DLGAP2: variants seen among roughly 807,000 people sequenced by gnomAD.
DLGAP2 encodes the protein disks large-associated protein 2.
In DLGAP2, 26 loss-of-function variants were observed where a neutral mutation model predicts 100.3. That is an observed-to-expected ratio of 0.26 (90% CI 0.19 to 0.36). The LOEUF (loss-of-function observed/expected upper bound fraction) is 0.36. DLGAP2 is among the 10% of genes least tolerant of loss of function. DLGAP2 has a pLI of 1.00. For synonymous variants in DLGAP2, 886 were observed against 630.1 expected, an observed-to-expected ratio of 1.41 and a Z score of -6.08; for missense variants, 1,858 against 1,453.2, an observed-to-expected ratio of 1.28 and a Z score of -4.53.
chr8:1,424,831 T>A (rs569353807), intron 3 of DLGAP2, among the ~76,000 whole-genome samples: 3 of 151,720 alleles, frequency 2.0e-5, no homozygotes, highest in Non-Finnish European at 4.4e-5. Context: ...CCTGGAGGAG[T>A]TGGATACACA....
intron 1 of DLGAP2, among the ~76,000 whole-genome samples, chr8:752,014 T>C (rs1820803479): frequency 6.6e-6 from 1 of 152,244 alleles, no homozygotes; most frequent in East Asian, 1.9e-4. Flanking sequence ...AAGTGGTCAT[T>C]TGCTTCTGGC....
At chr8:1,340,016 C>G (rs566390041) in intron 3 of DLGAP2, among the ~76,000 whole-genome samples, 1 of 152,296 alleles carries the variant, frequency 6.6e-6, no homozygotes, top group South Asian at 2.1e-4. Context: ...CTTATTCAAT[C>G]CATGGTACTG....
At chr8:905,107 A>G (rs1221590119) in intron 1 of DLGAP2, among the ~76,000 whole-genome samples, 1 of 152,052 alleles carries the variant, frequency 6.6e-6, no homozygotes, top group South Asian at 2.1e-4. Context: ...TGCCTTTAGG[A>G]AAGTCACACG....
At chr8:1,215,289 T>A (rs1467294255) in intron 2 of DLGAP2, among the ~76,000 whole-genome samples, 1 of 152,252 alleles carries the variant, frequency 6.6e-6, no homozygotes, top group East Asian at 1.9e-4. Context: ...AATTGTCTTC[T>A]TGACATGTCA....
chr8:961,841 A>T (rs1465920282), intron 2 of DLGAP2, among the ~76,000 whole-genome samples: 1 of 152,198 alleles, frequency 6.6e-6, no homozygotes, highest in Non-Finnish European at 1.5e-5. Context: ...TGAAACTGTA[A>T]AAGTAACTAA....
At position 1,548,622 on chromosome 8, in the gene DLGAP2, A is replaced by G. The variant is rs2906569; in HGVS notation, c.173-4A>G. 668,799 of 1,499,128 alleles carry G rather than the reference A, an allele frequency of 0.45. 150,824 individuals carry two copies. Among genetic ancestry groups the G allele is most frequent in the Admixed American group, 0.56 (25,402 of 45,504 alleles). The allele number at this position is 1,499,128 out of a possible 1,614,324, so 92.9% of individuals were successfully genotyped here. Reference sequence around the variant, plus strand: ...TGTTCAATGCCGTTTCTGTTTCCCCACAGACCCGCAGTACTCATGGTCGCC... The same window carrying G: ...TGTTCAATGCCGTTTCTGTTTCCCCGCAGACCCGCAGTACTCATGGTCGCC... On this transcript the variant is annotated splice_polypyrimidine_tract_variant and splice_region_variant and intron_variant, in intron 4 of 14. Coordinates refer to ENST00000637795, the MANE Select transcript of DLGAP2 (RefSeq NM_001346810.2).
At chr8:961,035 C>T (rs1799713431) in intron 2 of DLGAP2, among the ~76,000 whole-genome samples, 1 of 149,622 alleles carries the variant, frequency 6.7e-6, no homozygotes, top group South Asian at 2.1e-4. Flanking sequence ...CTGCACAGAC[C>T]CCCATGTTGA....
chr8:757,391 A>G (rs1328920463), intron 1 of DLGAP2, among the ~76,000 whole-genome samples: 1 of 152,192 alleles, frequency 6.6e-6, no homozygotes, highest in South Asian at 2.1e-4. Context: ...GGTTTCCTTC[A>G]TGTGTCGGCC....
At chr8:1,540,722 G>A (rs1022819535) in intron 4 of DLGAP2, among the ~76,000 whole-genome samples, 32 of 152,320 alleles carry the variant, frequency 2.1e-4, no homozygotes, top group African/African-American at 6.5e-4. Context: ...CAGCGTGGGC[G>A]GCCGTGACCA....
At chr8:1,495,039 A>G (rs911077266) in intron 3 of DLGAP2, among the ~76,000 whole-genome samples, 1 of 152,114 alleles carries the variant, frequency 6.6e-6, no homozygotes, top group Admixed American at 6.5e-5. Context: ...TTTCTTCATC[A>G]ATTCTCCATA....
chr8:1,203,138 G>A (rs1175200494), intron 2 of DLGAP2, among the ~76,000 whole-genome samples: 7 of 152,196 alleles, frequency 4.6e-5, no homozygotes, highest in East Asian at 1.9e-4. Context: ...TTGTTTGTTC[G>A]TTTGTTTGTT....
At chr8:1,495,610 C>T (rs1217543412) in intron 3 of DLGAP2, among the ~76,000 whole-genome samples, 2 of 152,192 alleles carry the variant, frequency 1.3e-5, no homozygotes, top group African/African-American at 4.8e-5. Flanking sequence ...TGCCTCTGCA[C>T]CTACTGGGAA....
At chr8:1,606,930 C>G (rs191816465) in intron 6 of DLGAP2, among the ~76,000 whole-genome samples, 3 of 152,318 alleles carry the variant, frequency 2.0e-5, no homozygotes, top group Non-Finnish European at 4.4e-5. Context: ...AGAGATCCAC[C>G]TACCGCAGCC....
intron 2 of DLGAP2, among the ~76,000 whole-genome samples, chr8:1,176,434 T>C (rs11993074): frequency 0.19 from 28,283 of 152,096 alleles, 2,811 homozygotes; most frequent in Middle Eastern, 0.35. Flanking sequence ...CTTTGGGTGT[T>C]TGTTCTGAGT....
At chr8:849,689 C>A (rs1334127349) in intron 1 of DLGAP2, among the ~76,000 whole-genome samples, 1 of 152,136 alleles carries the variant, frequency 6.6e-6, no homozygotes, top group Non-Finnish European at 1.5e-5. Flanking sequence ...ACTGCATTTC[C>A]CCTGATAACT....
At chr8:859,474 C>G (rs1242745390) in intron 1 of DLGAP2, among the ~76,000 whole-genome samples, 1 of 152,104 alleles carries the variant, frequency 6.6e-6, no homozygotes, top group African/African-American at 2.4e-5. Flanking sequence ...GGTGCCTTGC[C>G]TGAGAGCTGG....
intron 3 of DLGAP2, among the ~76,000 whole-genome samples, chr8:1,431,336 G>A (rs1584894181): frequency 6.6e-6 from 1 of 152,340 alleles, no homozygotes; most frequent in African/African-American, 2.4e-5. Context: ...TAGAGTAGGG[G>A]CTTTATTCAT....
At chr8:1,283,659 G>GA (rs1286543729) in intron 3 of DLGAP2, among the ~76,000 whole-genome samples, 1 of 152,180 alleles carries the variant, frequency 6.6e-6, no homozygotes, top group Non-Finnish European at 1.5e-5. Flanking sequence ...TTCCTTTTGT[G>GA]AAAATGCTTT....
At chr8:816,205 A>G (rs1022255087) in intron 1 of DLGAP2, among the ~76,000 whole-genome samples, 1 of 150,942 alleles carries the variant, frequency 6.6e-6, no homozygotes, top group South Asian at 2.1e-4. Flanking sequence ...GTACATTTAC[A>G]TTCAATGTTA....
Sources: allele counts gnomAD v4.1 joint callset (sites outside exome capture counted in the v4.1 genomes callset), GRCh38; gene constraint gnomAD v4.1.1; transcripts MANE v1.5; gene names NCBI Gene and HGNC (gene_info 2026-07-23, HGNC 2026-07-21).